The following DPP6 variants were observed in gnomAD, a reference collection of about 807,000 sequenced individuals.
DPP6 encodes A-type potassium channel modulatory protein DPP6.
DPP6 carries 69 observed loss-of-function variants against 122.6 expected under a neutral mutation model. The observed-to-expected ratio is 0.56, with a 90% CI of 0.46 to 0.69. The LOEUF (loss-of-function observed/expected upper bound fraction) is 0.69, where lower values mean the gene tolerates loss of function less well. Among genes scored for constraint, DPP6 ranks in the 30% least tolerant of loss-of-function variants. The pLI, the probability that DPP6 is intolerant of heterozygous loss-of-function variation, is 0.00. For missense variants in DPP6, 928 were observed against 1,116.9 expected (o/e 0.83, Z 2.41); for synonymous variants, 418 against 433.1 (o/e 0.97, Z 0.43).
At chr7:154,548,208 C>G (rs1454791143) in intron 4 of DPP6, among the ~76,000 whole-genome samples, 1 of 151,122 alleles carries the variant, frequency 6.6e-6, no homozygotes, top group Non-Finnish European at 1.5e-5. Flanking sequence ...AACTCCATCT[C>G]AAAGTAAAAT....
At chr7:153,856,791 A>G in the DPP6 span, among the ~76,000 whole-genome samples, 1 of 152,184 alleles carries the variant, frequency 6.6e-6, no homozygotes, top group African/African-American at 2.4e-5. Flanking sequence ...TCACATTTTC[A>G]GGATCGCCAA....
chr7:153,829,117 A>G, the DPP6 span, among the ~76,000 whole-genome samples: 1 of 152,178 alleles, frequency 6.6e-6, no homozygotes, highest in Non-Finnish European at 1.5e-5. Context: ...ATATTTTGCA[A>G]TTTGGGAGGC....
intron 1 of DPP6, among the ~76,000 whole-genome samples, chr7:154,264,484 G>T (rs1803243390): frequency 6.6e-6 from 1 of 151,906 alleles, no homozygotes; most frequent in South Asian, 2.1e-4. Context: ...ATTTCCACTT[G>T]AAAAAAATGG....
At chr7:154,722,920 A>C (rs2131349097) in intron 7 of DPP6, among the ~76,000 whole-genome samples, 1 of 152,316 alleles carries the variant, frequency 6.6e-6, no homozygotes, top group East Asian at 1.9e-4. Context: ...CACAGGCAGA[A>C]CTTGATGCCT....
At chr7:154,251,053 AC>A (rs1802320305) in intron 1 of DPP6, among the ~76,000 whole-genome samples, 1 of 152,244 alleles carries the variant, frequency 6.6e-6, no homozygotes, top group Non-Finnish European at 1.5e-5. Flanking sequence ...GGGAATAATC[AC>A]ACAAAGTATT....
At chr7:154,105,419 C>T (rs2150576096) in intron 1 of DPP6, among the ~76,000 whole-genome samples, 1 of 152,322 alleles carries the variant, frequency 6.6e-6, no homozygotes, top group East Asian at 1.9e-4. Flanking sequence ...TCTGTGTGAC[C>T]AGAGCCTTGG....
intron 1 of DPP6, among the ~76,000 whole-genome samples, chr7:153,900,405 C>T (rs996913555): frequency 1.3e-5 from 2 of 152,120 alleles, no homozygotes; most frequent in African/African-American, 2.4e-5. Flanking sequence ...ATTTTGCTCA[C>T]GGTTCTGCAA....
chr7:153,969,192 C>T (rs1795897749), intron 1 of DPP6, among the ~76,000 whole-genome samples: 1 of 151,222 alleles, frequency 6.6e-6, no homozygotes, highest in Admixed American at 6.6e-5. Flanking sequence ...TGGTACCTTG[C>T]CACGTTAGAA....
chr7:153,749,283 T>A, the DPP6 span, among the ~76,000 whole-genome samples: 2 of 152,152 alleles, frequency 1.3e-5, no homozygotes, highest in African/African-American at 2.4e-5. The surrounding 1 kb of genome is among the most constrained non-coding windows in gnomAD (Gnocchi z 4.1). Flanking sequence ...GATCCTACCC[T>A]GCTTTGCGGC....
At chr7:153,782,706 CTGTATAAAAATGGAGCTGTTTA>C in the DPP6 span, among the ~76,000 whole-genome samples, 1 of 152,174 alleles carries the variant, frequency 6.6e-6, no homozygotes, top group Non-Finnish European at 1.5e-5. Flanking sequence ...GCTGTCCTGC[CTGTATAAAAATGGAGCTGTTTA>C]TGTGTACCAT....
At chr7:154,368,355 T>G (rs1812358039) in intron 1 of DPP6, among the ~76,000 whole-genome samples, 1 of 152,130 alleles carries the variant, frequency 6.6e-6, no homozygotes, top group Non-Finnish European at 1.5e-5. Flanking sequence ...ACTTGGGAAA[T>G]TCCTAGAAAT....
chr7:154,291,922 C>T lies in DPP6; in HGVS notation c.244-154292C>T, dbSNP rs536707881. On this transcript the variant is annotated intron_variant, in intron 1 of 25. Transcript: ENST00000377770. ...ACCTCAGAATAAAGGAGCGTATCAG[C>T]TTCATTCCTTTTCAGAGGTACAGCA... is the stretch of plus-strand genomic sequence containing the variant. Among the ~76,000 whole-genome samples, 40 of 152,322 alleles carry T rather than the reference C, an allele frequency of 2.6e-4. No individual in the cohort carries two copies. In the Middle Eastern group the frequency reaches 0.017, roughly 65 times the overall value.
intron 1 of DPP6, among the ~76,000 whole-genome samples, chr7:154,431,446 CTT>C (rs1162874232): frequency 6.8e-5 from 1 of 14,656 alleles, no homozygotes. Context: ...TCTTTCCTTT[CTT>C]TTCTTTTCTT....
At chr7:154,673,657 A>G (rs116874212) in intron 7 of DPP6, among the ~76,000 whole-genome samples, 1 of 152,332 alleles carries the variant, frequency 6.6e-6, no homozygotes, top group Non-Finnish European at 1.5e-5. Flanking sequence ...GATCTAGGAA[A>G]TAGACTTGGC....
Position 154,052,762 on chromosome 7 carries a change from C to T in DPP6, c.-59C>T. ...CTGGAGCGGGGTGGGGAGTGGGAACCGGAGAGAAAGCAAAATATTAAAAAG... is the reference window on the plus strand; with the variant it reads ...CTGGAGCGGGGTGGGGAGTGGGAACTGGAGAGAAAGCAAAATATTAAAAAG... On this transcript the variant is annotated 5_prime_UTR_variant, in exon 1 of 26. Transcript: ENST00000377770. This position sits in a 1 kb window ranked among gnomAD's most constrained non-coding sequence, Gnocchi z 4.8. 5 of 1,402,560 alleles carry T rather than the reference C, an allele frequency of 3.6e-6. No individual in the cohort carries two copies. Among genetic ancestry groups the T allele is most frequent in the Non-Finnish European group, 4.7e-6 (5 of 1,062,596 alleles). The allele number at this position is 1,402,560 out of a possible 1,614,324, so 86.9% of individuals were successfully genotyped here.
intron 1 of DPP6, among the ~76,000 whole-genome samples, chr7:154,358,462 G>A (rs114991668): frequency 0.016 from 2,389 of 152,200 alleles, 72 homozygotes; most frequent in African/African-American, 0.054. Context: ...CATGTGCGCC[G>A]TATTACAAAG....
chr7:153,977,438 C>A (rs776744957), intron 1 of DPP6, among the ~76,000 whole-genome samples: 5 of 152,328 alleles, frequency 3.3e-5, no homozygotes, highest in Middle Eastern at 3.4e-3. Context: ...TATTATATCA[C>A]ATTTATTATA....
At chr7:154,090,981 C>T (rs924722569) in intron 1 of DPP6, among the ~76,000 whole-genome samples, 1 of 150,846 alleles carries the variant, frequency 6.6e-6, no homozygotes, top group Non-Finnish European at 1.5e-5. Context: ...ATTAGCCAGG[C>T]GTGGTGGCGG....
chr7:154,426,315 A>G (rs1414232999), intron 1 of DPP6, among the ~76,000 whole-genome samples: 2 of 152,244 alleles, frequency 1.3e-5, no homozygotes, highest in Admixed American at 6.5e-5. Flanking sequence ...AAATTAGCCA[A>G]TGATAGGACT....
Sources: gnomAD v4.1 joint callset for allele counts (sites outside exome capture counted in the v4.1 genomes callset) on GRCh38, gnomAD v4.1.1 for gene constraint, Gnocchi (gnomAD v3.1) non-coding constraint, MANE v1.5 for transcripts, NCBI Gene and HGNC (gene_info 2026-07-23, HGNC 2026-07-21) for gene names.